Variants in RPS6KA1 observed in about 807,000 individuals in gnomAD.
RPS6KA1 encodes the protein ribosomal protein S6 kinase alpha-1.
A neutral mutation model predicts 91.3 loss-of-function variants in RPS6KA1; 48 were observed. The observed-to-expected ratio is 0.53, with a 90% CI of 0.42 to 0.67. RPS6KA1 has a LOEUF of 0.67. Among genes scored for constraint, RPS6KA1 ranks in the 30% least tolerant of loss-of-function variants. RPS6KA1 has a pLI of 0.00. For synonymous variants in RPS6KA1, 359 were observed against 384.7 expected, an observed-to-expected ratio of 0.93 and a Z score of 0.78; for missense variants, 719 against 960.5, an observed-to-expected ratio of 0.75 and a Z score of 3.32.
Position 26,571,019 on chromosome 1 carries a change from A to AG in RPS6KA1, c.1591-429dup, listed in dbSNP as rs34362557. Among the ~76,000 whole-genome samples, 52,600 of 151,906 alleles carry AG rather than the reference A, an allele frequency of 0.35. 9,990 individuals carry two copies. The highest frequency in any genetic ancestry group is 0.75 in the East Asian group (3,885 of 5,154). On this transcript the variant is annotated intron_variant, in intron 17 of 21. Coordinates refer to ENST00000374168, the MANE Select transcript of RPS6KA1 (RefSeq NM_002953.4). The surrounding 1 kb of genome is among the most constrained non-coding windows in gnomAD (Gnocchi z 5.1). Reference sequence around the variant, plus strand: ...GTGCCTGTAATCCCAGCTACTTGGGAGCTGAGGCAGGAGAATTGCTTGAAC... The same window carrying AG: ...GTGCCTGTAATCCCAGCTACTTGGGAGGCTGAGGCAGGAGAATTGCTTGAAC...
At chr1:26,562,574 A>G (rs1434544956) in intron 17 of RPS6KA1, among the ~76,000 whole-genome samples, 1 of 152,184 alleles carries the variant, frequency 6.6e-6, no homozygotes, top group African/African-American at 2.4e-5. Context: ...GGCCTTTATT[A>G]CTGCACAAGG....
At chr1:26,530,996 C>A in intron 1 of RPS6KA1, 1 of 971,848 alleles carries the variant, frequency 1.0e-6, no homozygotes, top group Non-Finnish European at 1.3e-6. Context: ...TTTCTCCCAG[C>A]TTGGGCCTGG....
chr1:26,552,434 A>G (rs1276538239), intron 6 of RPS6KA1, among the ~76,000 whole-genome samples: 2 of 146,590 alleles, frequency 1.4e-5, no homozygotes, highest in Non-Finnish European at 1.5e-5. Context: ...AAATGGGACC[A>G]TTCGTACAAT....
rs750359156 is a variant in RPS6KA1 at position 26,558,768 on chromosome 1, C to T, written c.1085-39C>T. On this transcript the variant is annotated intron_variant, in intron 13 of 21. Coordinates refer to ENST00000374168, the MANE Select transcript of RPS6KA1 (RefSeq NM_002953.4). The surrounding 1 kb of genome is among the most constrained non-coding windows in gnomAD (Gnocchi z 4.0). ...TGGGCTGCCTCAGGGTCGAGGGGACCTCCTCAGGTACCCTCACATTCTCCT... is the reference window on the plus strand; with the variant it reads ...TGGGCTGCCTCAGGGTCGAGGGGACTTCCTCAGGTACCCTCACATTCTCCT... 4.4e-6 allele frequency: 7 copies of T among 1,574,372 alleles called. No individual in the cohort carries two copies. In the South Asian group the frequency reaches 6.8e-5, roughly 15 times the overall value.
intron 1 of RPS6KA1, 57 bp from the exon 2 acceptor site, chr1:26,536,868 T>C: frequency 1.2e-6 from 2 of 1,600,060 alleles, no homozygotes; most frequent in Non-Finnish European, 1.7e-6. Context: ...CACAGAGTCT[T>C]TCTCCCAAGC....
rs768113135 is a variant in RPS6KA1, at chr1:26,555,537, G to T, written c.828G>T (p.Lys276Asn). ...TGATGAGTCCCGGGGGCTGTTTCAGGGCGAAGCTAGGCATGCCCCAGTTTC... is the reference window on the plus strand; with the variant it reads ...TGATGAGTCCCGGGGGCTGTTTCAGTGCGAAGCTAGGCATGCCCCAGTTTC... Reference protein sequence around the residue: ...DRKETMTLILKAKLGMPQFLS... With the variant: ...DRKETMTLILNAKLGMPQFLS... Residue 276 changes from lysine to asparagine, a missense_variant and splice_region_variant, in exon 11 of 22, where the codon AAG (lysine) becomes AAT (asparagine). Transcript: ENST00000374168. This position sits in a 1 kb window ranked among gnomAD's most constrained non-coding sequence, Gnocchi z 4.3. 6.3e-7 allele frequency: 1 copy of T among 1,586,446 alleles called. No individual in the cohort carries two copies. The highest frequency in any genetic ancestry group is 1.7e-5 in the Admixed American group (1 of 57,192).
chr1:26,530,663 C>A, intron 1 of RPS6KA1: 12 of 1,047,186 alleles, frequency 1.1e-5, no homozygotes, highest in Non-Finnish European at 1.5e-5. Context: ...TATGCCCCTT[C>A]CGGTAGGAAG....
Position 26,536,802 on chromosome 1 carries a change from T to C in RPS6KA1, c.64-123T>C, listed in dbSNP as rs2075910276. The stretch of plus-strand genomic sequence containing the variant: ...GGTGGAGGGACCCACCCAGGACTCC[T>C]GCCCTACCACCATGGCCTCCATGGC... On this transcript the variant is annotated intron_variant, in intron 1 of 21. Coordinates refer to ENST00000374168, the MANE Select transcript of RPS6KA1 (RefSeq NM_002953.4). The C allele has an allele frequency of 5.5e-6, 6 of 1,093,152 alleles. No individual in the cohort carries two copies. The African/African-American group carries it at 6.2e-5, about 11-fold the overall frequency. 67.7% of individuals were successfully genotyped at this position (1,093,152 alleles called of 1,614,324 possible). A position where few individuals can be genotyped will look rare whatever the true frequency, so the allele number is the denominator to read the frequency against.
At chr1:26,568,063 G>A (rs967985245) in intron 17 of RPS6KA1, among the ~76,000 whole-genome samples, 2 of 152,160 alleles carry the variant, frequency 1.3e-5, no homozygotes, top group South Asian at 4.1e-4. Flanking sequence ...GCAAGATAAG[G>A]GGTGTTTTTT....
At chr1:26,560,278 C>T (rs549217154) in intron 14 of RPS6KA1, among the ~76,000 whole-genome samples, 14 of 152,328 alleles carry the variant, frequency 9.2e-5, no homozygotes, top group Admixed American at 7.2e-4. Flanking sequence ...AGCATTGCTA[C>T]GGCTAATGTC....
At chr1:26,566,279 CTTTTTT>C (rs371340177) in intron 17 of RPS6KA1, among the ~76,000 whole-genome samples, 1 of 97,946 alleles carries the variant, frequency 1.0e-5, no homozygotes, top group African/African-American at 4.0e-5. Flanking sequence ...CTCATTGTAG[CTTTTTT>C]TTTTTTTTTT....
intron 4 of RPS6KA1, among the ~76,000 whole-genome samples, chr1:26,549,510 A>G (rs2076026848): frequency 2.0e-5 from 3 of 151,904 alleles, no homozygotes; most frequent in African/African-American, 7.3e-5. Flanking sequence ...CAAAGGTTGC[A>G]GTGAGCCAAG....
chr1:26,556,296 G>A (rs946338552), intron 11 of RPS6KA1: 3 of 331,962 alleles, frequency 9.0e-6, no homozygotes, highest in African/African-American at 6.3e-5. Flanking sequence ...AAGGTCAATG[G>A]GATAAGAGGA....
At chr1:26,557,425 G>A (rs540528748) in intron 13 of RPS6KA1, among the ~76,000 whole-genome samples, 51 of 152,264 alleles carry the variant, frequency 3.3e-4, no homozygotes, top group African/African-American at 1.2e-3. Context: ...AACACATCAG[G>A]CTTACCATCA....
intron 2 of RPS6KA1, chr1:26,545,849 C>G: frequency 6.6e-7 from 1 of 1,504,054 alleles, no homozygotes. Flanking sequence ...ACCACTGCGG[C>G]AGCCCCGGAC....
chr1:26,570,334 A>T (rs1484600450), intron 17 of RPS6KA1, among the ~76,000 whole-genome samples: 1 of 152,124 alleles, frequency 6.6e-6, no homozygotes, highest in East Asian at 1.9e-4. Flanking sequence ...AAAATGTTTT[A>T]AAAATTAGCT....
At chr1:26,545,733 G>T in intron 2 of RPS6KA1, 2 of 937,508 alleles carry the variant, frequency 2.1e-6, no homozygotes, top group South Asian at 2.0e-5. Flanking sequence ...GGAACGTGGT[G>T]AGGGTGTAGG....
intron 6 of RPS6KA1, chr1:26,552,819 T>C (rs765259505): frequency 4.8e-6 from 2 of 419,788 alleles, no homozygotes; most frequent in South Asian, 1.7e-5. Flanking sequence ...TTTGAATAGG[T>C]AATATACATG....
chr1:26,553,285 G>T, intron 6 of RPS6KA1, 106 bp from the exon 7 acceptor site: 2 of 703,890 alleles, frequency 2.8e-6, no homozygotes, highest in Non-Finnish European at 5.1e-6. Flanking sequence ...GTTTCCAAGG[G>T]TCCTCCCAGG....
Sources: gnomAD v4.1 joint callset for allele counts (sites outside exome capture counted in the v4.1 genomes callset) on GRCh38, gnomAD v4.1.1 for gene constraint, Gnocchi (gnomAD v3.1) non-coding constraint, MANE v1.5 for transcripts, NCBI Gene and HGNC (gene_info 2026-07-23, HGNC 2026-07-21) for gene names.